The following PIWIL4 variants were observed in gnomAD, a reference collection of about 807,000 sequenced individuals.
PIWIL4 encodes the protein piwi-like protein 4.
In PIWIL4, 50 loss-of-function variants were observed where a neutral mutation model predicts 100.9. The observed-to-expected ratio is 0.50, with a 90% confidence interval of 0.39 to 0.63. The LOEUF is 0.63. PIWIL4 is among the 20% of genes least tolerant of loss of function. The pLI, the probability that PIWIL4 is intolerant of heterozygous loss-of-function variation, is 0.00. For synonymous variants in PIWIL4, 342 were observed against 367.5 expected (o/e 0.93, Z 0.79); for missense variants, 887 against 1,043.3 (o/e 0.85, Z 2.06).
chr11:94,567,635 C>T (rs377104796), intron 1 of PIWIL4, 30 bp downstream of exon 1: 29 of 1,555,776 alleles, frequency 1.9e-5, no homozygotes, highest in African/African-American at 8.1e-5. Flanking sequence ...CGCATGGTTT[C>T]GTTTTCTCCT....
intron 8 of PIWIL4, among the ~76,000 whole-genome samples, chr11:94,590,336 C>T (rs897337879): frequency 1.3e-5 from 2 of 152,176 alleles, no homozygotes; most frequent in African/African-American, 2.4e-5. Context: ...CTGATCTCTT[C>T]CTTCCTTGAC....
intron 11 of PIWIL4, among the ~76,000 whole-genome samples, chr11:94,600,584 G>A (rs1006414226): frequency 6.6e-6 from 1 of 152,172 alleles, no homozygotes; most frequent in Non-Finnish European, 1.5e-5. Flanking sequence ...AATTAAAATT[G>A]CTAATAAAGT....
At chr11:94,596,161 G>T (rs1948555941) in intron 10 of PIWIL4, among the ~76,000 whole-genome samples, 1 of 151,614 alleles carries the variant, frequency 6.6e-6, no homozygotes, top group Non-Finnish European at 1.5e-5. Context: ...TAAGGTGGAA[G>T]TAAAAATTTT....
At chr11:94,574,123 G>A (rs946165341) in intron 2 of PIWIL4, among the ~76,000 whole-genome samples, 8 of 152,062 alleles carry the variant, frequency 5.3e-5, no homozygotes, top group Admixed American at 6.6e-5. Flanking sequence ...AGCATCCCCC[G>A]TACTAATTTA....
intron 9 of PIWIL4, among the ~76,000 whole-genome samples, chr11:94,594,410 G>C: frequency 6.7e-6 from 1 of 149,548 alleles, no homozygotes; most frequent in Non-Finnish European, 1.5e-5. Flanking sequence ...AGGTTGCAGT[G>C]AGCCGCGATC....
In PIWIL4 at chr11:94,589,130, C is replaced by T; in HGVS notation, c.924C>T (p.Asn308=). 6.2e-7 allele frequency: 1 copy of T among 1,607,906 alleles called. No homozygotes were observed. The highest frequency in any genetic ancestry group is 8.5e-7 in the Non-Finnish European group (1 of 1,175,108). ...TTTTTATATTTGGCAGATACAATAA[C>T]AGAACCTACTCCATTGATGACATTG... ...IGLIVLTRYN[N]RTYSIDDIDW... is the part of the protein sequence containing the mutation. Residue 308 remains asparagine (N), a synonymous_variant, in exon 8 of 20, where the codon AAC becomes AAT. Transcript: ENST00000299001.
intron 4 of PIWIL4, among the ~76,000 whole-genome samples, chr11:94,580,088 TG>T (rs549060402): frequency 8.9e-4 from 136 of 152,326 alleles, no homozygotes; most frequent in African/African-American, 3.1e-3. Context: ...TTTCTGTTGC[TG>T]GGAATGGAGC....
chr11:94,575,779 C>T (rs546852713), intron 3 of PIWIL4, among the ~76,000 whole-genome samples: 31 of 152,340 alleles, frequency 2.0e-4, no homozygotes, highest in Admixed American at 1.9e-3. Flanking sequence ...CGATTCACCT[C>T]ACCTGATTTC....
chr11:94,615,821 A>G (rs575055710), intron 15 of PIWIL4, among the ~76,000 whole-genome samples: 1 of 152,136 alleles, frequency 6.6e-6, no homozygotes, highest in Non-Finnish European at 1.5e-5. Context: ...GTTGTTGCAT[A>G]TATTTAGAGA....
chr11:94,592,523 A>G (rs1454828321), intron 8 of PIWIL4, among the ~76,000 whole-genome samples: 1 of 152,256 alleles, frequency 6.6e-6, no homozygotes, highest in Non-Finnish European at 1.5e-5. Context: ...CTTTTTAGCC[A>G]TAGCATCAGT....
At position 94,620,074 on chromosome 11, in the gene PIWIL4, A is replaced by C. The variant is rs1167721989; in HGVS notation, c.2372A>C (p.Asp791Ala). Reference protein sequence around the residue: ...SPTYYNVIYDDNGLKPDHMQR... With the variant: ...SPTYYNVIYDANGLKPDHMQR... ...ACCTACTATAATGTCATCTATGATG[A>C]CAACGGCTTGAAGCCCGACCATATG... Residue 791 changes from aspartate (D) to alanine (A), a missense_variant, in exon 19 of 20, where the codon GAC becomes GCC. Asp to Ala is a moderately radical substitution (Grantham distance 126). This residue lies in a region of PIWIL4 where 741 missense variants were observed against 930.0 expected (regional missense o/e 0.80). Coordinates refer to ENST00000299001, the MANE Select transcript of PIWIL4 (RefSeq NM_152431.3). 2.4e-5 allele frequency: 39 copies of C among 1,613,920 alleles called. No individual in the cohort carries two copies. Among genetic ancestry groups the C allele is most frequent in the Non-Finnish European group, 3.3e-5 (39 of 1,179,974 alleles).
intron 2 of PIWIL4, among the ~76,000 whole-genome samples, chr11:94,572,771 C>G (rs11020835): frequency 0.24 from 36,776 of 152,056 alleles, 4,699 homozygotes; most frequent in East Asian, 0.29. Flanking sequence ...TGGCAATGTG[C>G]GTTCTTTTTT....
intron 15 of PIWIL4, among the ~76,000 whole-genome samples, chr11:94,614,206 C>T (rs768184211): frequency 1.6e-4 from 24 of 151,326 alleles, no homozygotes; most frequent in Non-Finnish European, 3.4e-4. Flanking sequence ...TGAATCCTTT[C>T]TCAGGCAATT....
chr11:94,594,738 G>A (rs900832363), intron 9 of PIWIL4, among the ~76,000 whole-genome samples: 18 of 152,022 alleles, frequency 1.2e-4, no homozygotes, highest in Non-Finnish European at 2.2e-4. Context: ...CTCCATGTTG[G>A]TCAGGCTGGT....
rs1225169044 is a variant in PIWIL4, at chr11:94,589,170, C to T, written c.964C>T (p.Pro322Ser). The change falls in exon 8 of 20, where the codon CCC (proline) becomes TCC (serine). Residue 322 changes from proline (P) to serine (S), a missense_variant. Transcript: ENST00000299001. Reference sequence around the variant, plus strand: ...TGATGACATTGACTGGTCAGTGAAGCCCACACACACCTTTCAGAAGCGGGA... The same window carrying T: ...TGATGACATTGACTGGTCAGTGAAGTCCACACACACCTTTCAGAAGCGGGA... Reference protein sequence around the residue: ...SIDDIDWSVKPTHTFQKRDGT... With the variant: ...SIDDIDWSVKSTHTFQKRDGT... 1.2e-6 allele frequency: 2 copies of T among 1,613,156 alleles called. No homozygotes were observed. The highest frequency in any genetic ancestry group is 1.7e-5 in the Admixed American group (1 of 60,020).
At position 94,619,994 on chromosome 11, in the gene PIWIL4, C is replaced by T. The variant is rs1186539532; in HGVS notation, c.2295-3C>T. The T allele has an allele frequency of 1.2e-6, 2 of 1,614,170 alleles. No homozygotes were observed. Among genetic ancestry groups the T allele is most frequent in the Admixed American group, 3.3e-5 (2 of 60,002 alleles). ...CCTACATTCATTCCATTTTCCCCCT[C>T]AGGTATGACTTTTATCTGATCAGCC... On this transcript the variant is annotated splice_region_variant and splice_polypyrimidine_tract_variant and intron_variant, in intron 18 of 19. Transcript: ENST00000299001.
chr11:94,613,588 G>A (rs1313399917), intron 15 of PIWIL4, among the ~76,000 whole-genome samples: 1 of 152,118 alleles, frequency 6.6e-6, no homozygotes, highest in African/African-American at 2.4e-5. Flanking sequence ...TAATGCAAAT[G>A]TTAGCCCTCT....
At chr11:94,597,999 G>A (rs1039124980) in intron 11 of PIWIL4, 84 bp downstream of exon 11, 2 of 1,026,010 alleles carry the variant, frequency 1.9e-6, no homozygotes, top group Non-Finnish European at 2.9e-6. Flanking sequence ...TGGCTTGTGT[G>A]CTTATAATAT....
chr11:94,615,982 AT>A (rs1239199832), intron 15 of PIWIL4, among the ~76,000 whole-genome samples: 13 of 152,262 alleles, frequency 8.5e-5, no homozygotes, highest in Non-Finnish European at 1.6e-4. Context: ...ACCTATAGAA[AT>A]GAAAGTTTAT....
Sources: allele counts gnomAD v4.1 joint callset (sites outside exome capture counted in the v4.1 genomes callset), GRCh38; gene constraint gnomAD v4.1.1; regional missense constraint gnomAD v4.1.1; transcripts MANE v1.5; gene names NCBI Gene and HGNC (gene_info 2026-07-23, HGNC 2026-07-21).